COMMD10: variants seen among roughly 807,000 people sequenced by gnomAD.
The protein encoded by COMMD10 is COMM domain containing 10.
COMMD10 carries 33 observed loss-of-function variants against 28.9 expected under a neutral mutation model. That is an observed-to-expected ratio of 1.14 (90% confidence interval 0.87 to 1.53). The LOEUF (loss-of-function observed/expected upper bound fraction) is 1.53, where lower values mean the gene tolerates loss of function less well. COMMD10 is among the 40% of genes most tolerant of loss of function. The probability of loss-of-function intolerance (pLI) is 0.00; values close to 1 mark genes in which losing one functional copy is unlikely to be tolerated. For synonymous variants in COMMD10, 110 were observed against 81.7 expected (o/e 1.35, Z -1.87); for missense variants, 310 against 233.4 (o/e 1.33, Z -2.14).
rs958674223 is a variant in COMMD10 at position 116,180,017 on chromosome 5, T to C, written c.510+45839T>C. Among the ~76,000 whole-genome samples the C allele has an allele frequency of 5.9e-5, 9 of 152,174 alleles. No individual in the cohort carries two copies. In the East Asian group the frequency reaches 1.4e-3, roughly 23 times the overall value. ...GCTGGGATGAATTGAGGTTTTTTGT[T>C]GTTACTCTTGATATTAAAAAGATTA... On this transcript the variant is annotated intron_variant, in intron 5 of 6. Transcript: ENST00000274458.
chr5:116,180,581 A>G (rs1375918331), intron 5 of COMMD10, among the ~76,000 whole-genome samples: 1 of 152,070 alleles, frequency 6.6e-6, no homozygotes, highest in Non-Finnish European at 1.5e-5. Flanking sequence ...TTAGCAGTTC[A>G]TTCTAAATGT....
intron 5 of COMMD10, among the ~76,000 whole-genome samples, chr5:116,236,017 A>T (rs922195692): frequency 1.3e-5 from 2 of 151,990 alleles, no homozygotes; most frequent in African/African-American, 4.8e-5. Context: ...TATATGTTTT[A>T]TTTGCGGCAT....
intron 5 of COMMD10, chr5:116,188,641 T>TTTTA (rs1366700741): frequency 6.8e-6 from 1 of 146,838 alleles, no homozygotes; most frequent in Non-Finnish European, 1.5e-5. Context: ...CTCTCTCTCT[T>TTTTA]TTTTTTTTTT....
At chr5:116,287,203 T>G (rs1172496301) in intron 5 of COMMD10, among the ~76,000 whole-genome samples, 1 of 151,750 alleles carries the variant, frequency 6.6e-6, no homozygotes, top group African/African-American at 2.4e-5. Flanking sequence ...AGCTGCAGTT[T>G]TCAAAAAACT....
intron 4 of COMMD10, among the ~76,000 whole-genome samples, chr5:116,108,488 T>C (rs1240942805): frequency 6.6e-6 from 1 of 152,210 alleles, no homozygotes; most frequent in Non-Finnish European, 1.5e-5. Flanking sequence ...TTTGTTACAC[T>C]GTGAGGGTAA....
At chr5:116,223,035 C>T (rs972456496) in intron 5 of COMMD10, among the ~76,000 whole-genome samples, 1 of 152,068 alleles carries the variant, frequency 6.6e-6, no homozygotes, top group Non-Finnish European at 1.5e-5. Flanking sequence ...CTTCAGATTG[C>T]TCTTGATTGG....
intron 5 of COMMD10, among the ~76,000 whole-genome samples, chr5:116,223,962 G>C (rs539200432): frequency 9.2e-4 from 140 of 152,214 alleles, no homozygotes; most frequent in Non-Finnish European, 1.8e-3. Flanking sequence ...TTTTTTAAAA[G>C]TAATGCATGT....
chr5:116,130,186 T>C (rs1350039189), intron 4 of COMMD10, among the ~76,000 whole-genome samples: 1 of 151,870 alleles, frequency 6.6e-6, no homozygotes, highest in Non-Finnish European at 1.5e-5. Flanking sequence ...ATTCTACAGA[T>C]AGATGTAGAA....
intron 5 of COMMD10, among the ~76,000 whole-genome samples, chr5:116,246,273 A>C (rs1343691113): frequency 6.6e-6 from 1 of 152,176 alleles, no homozygotes; most frequent in Non-Finnish European, 1.5e-5. Flanking sequence ...AATACAGCTA[A>C]CTAGGGAAGC....
At chr5:116,168,124 T>G (rs62384182) in intron 5 of COMMD10, among the ~76,000 whole-genome samples, 43,975 of 116,470 alleles carry the variant, frequency 0.38, 9,418 homozygotes, top group African/African-American at 0.66. Context: ...TCAAAACAAA[T>G]GGATGGAGGA....
chr5:116,131,405 GTGTATGTA>G (rs558285575), intron 4 of COMMD10, among the ~76,000 whole-genome samples: 10 of 151,784 alleles, frequency 6.6e-5, no homozygotes, highest in Admixed American at 3.3e-4. Flanking sequence ...GTGTGTATGT[GTGTATGTA>G]TGTATGTATG....
chr5:116,235,186 G>A (rs573732433), intron 5 of COMMD10, among the ~76,000 whole-genome samples: 3 of 152,282 alleles, frequency 2.0e-5, no homozygotes, highest in African/African-American at 7.2e-5. Context: ...AGTGTGGGCT[G>A]CTAATAAGAA....
intron 5 of COMMD10, among the ~76,000 whole-genome samples, chr5:116,276,650 C>T (rs780194984): frequency 6.6e-6 from 1 of 151,672 alleles, no homozygotes; most frequent in Non-Finnish European, 1.5e-5. Context: ...AACCTTAATT[C>T]AGTTATTTAA....
At chr5:116,258,729 C>T (rs1473037061) in intron 5 of COMMD10, among the ~76,000 whole-genome samples, 2 of 151,540 alleles carry the variant, frequency 1.3e-5, no homozygotes, top group African/African-American at 2.4e-5. Flanking sequence ...CTCTTTCTTT[C>T]TCTTTGGAAG....
In COMMD10 at chr5:116,267,474, C is replaced by T. The variant is rs534386478; in HGVS notation, c.511-24043C>T. On this transcript the variant is annotated intron_variant, in intron 5 of 6. Transcript: ENST00000274458. ...GGACACAAACAAATGGAAGAACATTCTATGTTCATGGATAGGAAGAATCAA... is the reference window on the plus strand; with the variant it reads ...GGACACAAACAAATGGAAGAACATTTTATGTTCATGGATAGGAAGAATCAA... 2.6e-4 allele frequency among the ~76,000 whole-genome samples: 40 copies of T among 151,964 alleles called. No individual in the cohort carries two copies. In the East Asian group the frequency reaches 7.5e-3, roughly 29 times the overall value.
chr5:116,139,499 T>G (rs935463727), intron 5 of COMMD10, among the ~76,000 whole-genome samples: 10 of 151,738 alleles, frequency 6.6e-5, no homozygotes, highest in African/African-American at 2.4e-4. Context: ...TATAGAAATT[T>G]AAATCTTTTC....
chr5:116,292,508 T>C lies in COMMD10; in HGVS notation c.*19T>C, dbSNP rs1364949972. On this transcript the variant is annotated 3_prime_UTR_variant, in exon 7 of 7. Transcript: ENST00000274458. The stretch of plus-strand genomic sequence containing the variant: ...TACATGATGTTTTCGAAGACTGTTT[T>C]TTTCATCACGCTCCTGCCACCTCAT... 6.3e-7 allele frequency: 1 copy of C among 1,581,790 alleles called. No homozygotes were observed. The highest frequency in any genetic ancestry group is 8.6e-7 in the Non-Finnish European group (1 of 1,161,460).
At chr5:116,099,815 A>C (rs939507474) in intron 4 of COMMD10, among the ~76,000 whole-genome samples, 11 of 151,952 alleles carry the variant, frequency 7.2e-5, no homozygotes, top group Non-Finnish European at 1.5e-4. Flanking sequence ...CCTGCTATTG[A>C]GTTTGTGAGT....
chr5:116,262,423 G>A (rs901775741), intron 5 of COMMD10, among the ~76,000 whole-genome samples: 4 of 151,682 alleles, frequency 2.6e-5, no homozygotes, highest in South Asian at 2.1e-4. Context: ...TAGGTGATGT[G>A]TATATGTGTT....
Sources: allele counts gnomAD v4.1 joint callset (sites outside exome capture counted in the v4.1 genomes callset), GRCh38; gene constraint gnomAD v4.1.1; transcripts MANE v1.5; gene names NCBI Gene and HGNC (gene_info 2026-07-23, HGNC 2026-07-21).